Variants in TMEM132B observed in about 807,000 individuals in gnomAD.
The protein encoded by TMEM132B is transmembrane protein 132B.
A neutral mutation model predicts 90.8 loss-of-function variants in TMEM132B; 18 were observed. The ratio of observed to expected loss-of-function variants is 0.20; its 90% CI spans 0.14 to 0.29. The LOEUF is 0.29. Ranked by LOEUF, TMEM132B falls within the 10% of genes least tolerant of loss-of-function variation. The pLI is 1.00. For synonymous variants in TMEM132B, 504 were observed against 523.3 expected, an observed-to-expected ratio of 0.96 and a Z score of 0.50; for missense variants, 1,096 against 1,326.8, an observed-to-expected ratio of 0.83 and a Z score of 2.70.
At chr12:125,386,085 C>G (rs928156187) in intron 2 of TMEM132B, among the ~76,000 whole-genome samples, 2 of 152,086 alleles carry the variant, frequency 1.3e-5, no homozygotes, top group Non-Finnish European at 2.9e-5. Context: ...CTCTGCCTCC[C>G]GGGCTCAGGT....
chr12:125,436,456 T>C (rs1018187640), intron 3 of TMEM132B, among the ~76,000 whole-genome samples: 3 of 152,172 alleles, frequency 2.0e-5, no homozygotes, highest in African/African-American at 7.2e-5. Context: ...TGGAGTTGGG[T>C]GGGACCTAAT....
At chr12:125,187,588 T>C (rs1006413378) in intron 1 of TMEM132B, among the ~76,000 whole-genome samples, 2 of 152,258 alleles carry the variant, frequency 1.3e-5, no homozygotes, top group African/African-American at 4.8e-5. Context: ...AGCCATTGCC[T>C]GGGCACCGGG....
rs1234735795 is a variant in TMEM132B, at chr12:125,337,520, CAAG to C, written c.68-11925_68-11923del. 6.6e-5 allele frequency among the ~76,000 whole-genome samples: 10 copies of C among 152,214 alleles called. No individual in the cohort carries two copies. In the East Asian group the frequency reaches 7.7e-4, roughly 12 times the overall value. Reference sequence around the variant, plus strand: ...ATATGTGACACTCCTGCTTCTCTTTCAAGAAGAAGTCTTGTGGCCATACGTGGA... The same window carrying C: ...ATATGTGACACTCCTGCTTCTCTTTCAAGAAGTCTTGTGGCCATACGTGGA... On this transcript the variant is annotated intron_variant, in intron 1 of 8. Transcript: ENST00000682704.
chr12:125,358,387 TTGG>T (rs929237048), intron 2 of TMEM132B, among the ~76,000 whole-genome samples: 6 of 151,056 alleles, frequency 4.0e-5, no homozygotes, highest in African/African-American at 1.2e-4. Context: ...GACATTAATG[TTGG>T]TATATTGTTA....
chr12:125,470,415 T>C (rs1358211009), intron 3 of TMEM132B, among the ~76,000 whole-genome samples: 1 of 151,950 alleles, frequency 6.6e-6, no homozygotes, highest in Non-Finnish European at 1.5e-5. Flanking sequence ...AGTCTCTCCC[T>C]GCCCTCTCCT....
intron 1 of TMEM132B, among the ~76,000 whole-genome samples, chr12:125,220,891 C>T (rs1873541722): frequency 6.6e-6 from 1 of 152,246 alleles, no homozygotes. Flanking sequence ...TCCTGCCTTA[C>T]TCACTCTTTG....
At chr12:125,322,222 G>A (rs764066384) in intron 1 of TMEM132B, among the ~76,000 whole-genome samples, 3 of 152,188 alleles carry the variant, frequency 2.0e-5, no homozygotes, top group Non-Finnish European at 2.9e-5. Flanking sequence ...AATCTCACAA[G>A]ATCTGATGGT....
At chr12:125,634,395 C>T (rs1459560744) in intron 5 of TMEM132B, among the ~76,000 whole-genome samples, 1 of 152,214 alleles carries the variant, frequency 6.6e-6, no homozygotes, top group Non-Finnish European at 1.5e-5. Context: ...TTGAGGGCCC[C>T]AAGAGCCCAC....
intron 1 of TMEM132B, among the ~76,000 whole-genome samples, chr12:125,197,415 G>C (rs74717919): frequency 0.033 from 5,003 of 152,228 alleles, 107 homozygotes; most frequent in African/African-American, 0.043. Context: ...TGACCCTTAG[G>C]CGGCCTCGGC....
At chr12:125,363,278 C>T (rs950886889) in intron 2 of TMEM132B, among the ~76,000 whole-genome samples, 3 of 152,162 alleles carry the variant, frequency 2.0e-5, no homozygotes, top group South Asian at 2.1e-4. Flanking sequence ...CCTTACTGAT[C>T]CCCACAACCC....
At chr12:125,612,186 A>G (rs995474450) in intron 5 of TMEM132B, among the ~76,000 whole-genome samples, 1 of 152,130 alleles carries the variant, frequency 6.6e-6, no homozygotes, top group Non-Finnish European at 1.5e-5. Context: ...TTAAAAAATG[A>G]CCAATAAGGC....
At chr12:125,439,111 T>C (rs995248604) in intron 3 of TMEM132B, among the ~76,000 whole-genome samples, 3 of 152,144 alleles carry the variant, frequency 2.0e-5, no homozygotes, top group African/African-American at 7.2e-5. Flanking sequence ...ACAGCTTTGT[T>C]CTTTTTGCTT....
chr12:125,431,082 T>C (rs1009895322), intron 3 of TMEM132B, among the ~76,000 whole-genome samples: 1 of 152,184 alleles, frequency 6.6e-6, no homozygotes, highest in African/African-American at 2.4e-5. Context: ...CTGAATTATA[T>C]AGGACTTCAT....
chr12:125,628,989 T>C (rs1420170492), intron 5 of TMEM132B, among the ~76,000 whole-genome samples: 1 of 152,176 alleles, frequency 6.6e-6, no homozygotes, highest in East Asian at 1.9e-4. Flanking sequence ...GGGTCCTCTA[T>C]TCTGTTCCAT....
chr12:125,634,212 C>A (rs1593034936), intron 5 of TMEM132B, among the ~76,000 whole-genome samples: 1 of 152,218 alleles, frequency 6.6e-6, no homozygotes, highest in Admixed American at 6.5e-5. Context: ...GCCACCACCA[C>A]CACAGGCCTA....
intron 4 of TMEM132B, among the ~76,000 whole-genome samples, chr12:125,552,252 A>C (rs1383094483): frequency 6.6e-6 from 1 of 152,206 alleles, no homozygotes; most frequent in Non-Finnish European, 1.5e-5. Flanking sequence ...TGTGCTTCCC[A>C]CAGGATTGCA....
At chr12:125,635,491 A>G (rs1033436132) in intron 5 of TMEM132B, among the ~76,000 whole-genome samples, 2 of 152,196 alleles carry the variant, frequency 1.3e-5, no homozygotes, top group African/African-American at 2.4e-5. Flanking sequence ...TTATGCCTTC[A>G]TAGTATTCCA....
intron 4 of TMEM132B, among the ~76,000 whole-genome samples, chr12:125,575,056 T>TTATATATATATATATATATATA (rs1566078420): frequency 2.0e-3 from 22 of 11,050 alleles, no homozygotes; most frequent in African/African-American, 5.6e-3. Context: ...CTATTAGCTG[T>TTATATATATATATATATATATA]CATATATATA....
At chr12:125,494,044 C>T (rs1882436916) in intron 3 of TMEM132B, among the ~76,000 whole-genome samples, 2 of 142,540 alleles carry the variant, frequency 1.4e-5, no homozygotes, top group Non-Finnish European at 3.1e-5. Flanking sequence ...ATGCGTCCCT[C>T]CTCCCCCTCC....
Sources: gnomAD v4.1 joint callset for allele counts (sites outside exome capture counted in the v4.1 genomes callset) on GRCh38, gnomAD v4.1.1 for gene constraint, MANE v1.5 for transcripts, NCBI Gene and HGNC (gene_info 2026-07-23, HGNC 2026-07-21) for gene names.